Variants in WNT3A observed in about 807,000 individuals in gnomAD.
The protein encoded by WNT3A is Wnt family member 3A.
A neutral mutation model predicts 37.0 loss-of-function variants in WNT3A; 17 were observed. That is an observed-to-expected ratio of 0.46 (90% CI 0.31 to 0.69). WNT3A has a LOEUF of 0.69. Ranked by LOEUF, WNT3A falls within the 30% of genes least tolerant of loss-of-function variation. The pLI is 0.05. For missense variants in WNT3A, 411 were observed against 510.2 expected, an observed-to-expected ratio of 0.81 and a Z score of 1.87; for synonymous variants, 187 against 211.0, an observed-to-expected ratio of 0.89 and a Z score of 0.99.
chr1:228,052,609 C>G (rs2031578999), intron 3 of WNT3A, among the ~76,000 whole-genome samples: 1 of 152,174 alleles, frequency 6.6e-6, no homozygotes. Flanking sequence ...CGGGATTTAA[C>G]AACATGAAGA....
intron 1 of WNT3A, among the ~76,000 whole-genome samples, chr1:228,016,195 C>T (rs1030303185): frequency 6.6e-6 from 1 of 152,104 alleles, no homozygotes; most frequent in Admixed American, 6.6e-5. Context: ...CAAGGGAGCC[C>T]CCAAGGACCC....
chr1:228,022,563 C>A, intron 1 of WNT3A, 104 bp from the exon 2 acceptor site: 1 of 1,380,990 alleles, frequency 7.2e-7, no homozygotes, highest in Non-Finnish European at 9.7e-7. Flanking sequence ...AGCTGCGTCT[C>A]GCCCCCCGAA....
rs560059441 is a variant in WNT3A, at chr1:228,039,990, C to T, written c.314-10666C>T. On this transcript the variant is annotated intron_variant, in intron 2 of 3. Transcript: ENST00000284523. The surrounding 1 kb of genome is among the most constrained non-coding windows in gnomAD (Gnocchi z 4.1). ...GGCATGTCCCAGGAGCCCAGGAGTC[C>T]CAGGCTGTCCCTCTCCTCTCGCCCT... 2.0e-5 allele frequency among the ~76,000 whole-genome samples: 3 copies of T among 152,198 alleles called. No individual in the cohort carries two copies. The highest frequency in any genetic ancestry group is 2.9e-5 in the Non-Finnish European group (2 of 68,028).
intron 3 of WNT3A, among the ~76,000 whole-genome samples, chr1:228,055,179 A>AAAT (rs2031655964): frequency 1.0e-4 from 2 of 19,282 alleles, no homozygotes; most frequent in African/African-American, 4.4e-4. Context: ...AAAAAAAAAA[A>AAAT]ATATATATAT....
intron 2 of WNT3A, among the ~76,000 whole-genome samples, chr1:228,044,939 G>A (rs1022214096): frequency 2.6e-5 from 4 of 152,168 alleles, no homozygotes; most frequent in African/African-American, 4.8e-5. Context: ...CAGTCTTCAC[G>A]AGTGAATTGA....
intron 1 of WNT3A, among the ~76,000 whole-genome samples, chr1:228,011,197 G>A (rs987180109): frequency 6.6e-6 from 1 of 151,864 alleles, no homozygotes; most frequent in African/African-American, 2.4e-5. Flanking sequence ...TCAGGCATAC[G>A]TGTGTGGTGT....
chr1:228,047,108 C>T (rs1480818024), intron 2 of WNT3A, among the ~76,000 whole-genome samples: 1 of 152,172 alleles, frequency 6.6e-6, no homozygotes, highest in Non-Finnish European at 1.5e-5. Context: ...ACTGGACAGT[C>T]TCCAGCCAGC....
rs1012440047 is a variant in WNT3A, at chr1:228,031,824, T to A, written c.313+8916T>A. 1.3e-5 allele frequency among the ~76,000 whole-genome samples: 2 copies of A among 152,106 alleles called. No homozygotes were observed. Among genetic ancestry groups the A allele is most frequent in the Non-Finnish European group, 2.9e-5 (2 of 68,012 alleles). On this transcript the variant is annotated intron_variant, in intron 2 of 3. Coordinates refer to ENST00000284523, the MANE Select transcript of WNT3A (RefSeq NM_033131.4). The surrounding 1 kb of genome is among the most constrained non-coding windows in gnomAD (Gnocchi z 4.8). The stretch of plus-strand genomic sequence containing the variant: ...AGGGAGGCATGGGCAACATATACAC[T>A]GCAAAAGGCCAAGAGCACCAGACTG...
rs1389455052 is a variant in WNT3A, at chr1:228,038,553, A to C, written c.314-12103A>C. On this transcript the variant is annotated intron_variant, in intron 2 of 3. Coordinates refer to ENST00000284523, the MANE Select transcript of WNT3A (RefSeq NM_033131.4). The surrounding 1 kb of genome is among the most constrained non-coding windows in gnomAD (Gnocchi z 5.7). ...GGTCAGGTGGTCCTAGCTGGGATCC[A>C]AGGCACCCCCCTCACTCAGCCAGCC... 6.6e-6 allele frequency among the ~76,000 whole-genome samples: 1 copy of C among 152,158 alleles called. No individual in the cohort carries two copies. The highest frequency in any genetic ancestry group is 1.5e-5 in the Non-Finnish European group (1 of 68,026).
chr1:228,029,236 A>G (rs1347508633), intron 2 of WNT3A, among the ~76,000 whole-genome samples: 1 of 152,114 alleles, frequency 6.6e-6, no homozygotes, highest in Non-Finnish European at 1.5e-5. Context: ...AATTTTTTGG[A>G]GGGCCCTTGG....
chr1:228,050,666 G>T lies in WNT3A; in HGVS notation c.324G>T (p.Glu108Asp), dbSNP rs1444107117. 6.2e-7 allele frequency: 1 copy of T among 1,602,402 alleles called. No homozygotes were observed. Among genetic ancestry groups the T allele is most frequent in the South Asian group, 1.1e-5 (1 of 89,984 alleles). Residue 108 changes from glutamate (E) to aspartate (D), a missense_variant, in exon 3 of 4, where the codon GAG becomes GAT. Glu to Asp is a conservative substitution (Grantham distance 45, BLOSUM62 2). Transcript: ENST00000284523. The surrounding 1 kb of genome is among the most constrained non-coding windows in gnomAD (Gnocchi z 5.0). ...FGPVLDKATR[E>D]SAFVHAIASA... is the part of the protein sequence containing the mutation. ...CTCCTCTCTCTACAGCTACCAGGGA[G>T]TCGGCCTTTGTCCACGCCATTGCCT...
chr1:228,051,043 C>T (rs1363054292), intron 3 of WNT3A, 122 bp downstream of exon 3: 13 of 1,257,658 alleles, frequency 1.0e-5, no homozygotes, highest in South Asian at 3.2e-5. Context: ...AGGGTCTTCT[C>T]GACCCCTGCC....
intron 1 of WNT3A, among the ~76,000 whole-genome samples, chr1:228,019,090 G>C (rs1384988344): frequency 1.3e-5 from 2 of 152,226 alleles, no homozygotes; most frequent in East Asian, 1.9e-4. Flanking sequence ...TCAGGAAGGT[G>C]GTGGGCCAGG....
At chr1:228,012,531 G>A (rs912580607) in intron 1 of WNT3A, among the ~76,000 whole-genome samples, 8 of 152,134 alleles carry the variant, frequency 5.3e-5, no homozygotes, top group African/African-American at 1.4e-4. Context: ...ATGGGGGTGG[G>A]GGGGCTCTCT....
At chr1:228,036,816 T>G (rs1034525123) in intron 2 of WNT3A, among the ~76,000 whole-genome samples, 1 of 152,150 alleles carries the variant, frequency 6.6e-6, no homozygotes, top group African/African-American at 2.4e-5. Context: ...ACGGCTGCAG[T>G]GGATGCAGCA....
chr1:228,028,662 G>A (rs2030915140), intron 2 of WNT3A, among the ~76,000 whole-genome samples: 2 of 152,108 alleles, frequency 1.3e-5, no homozygotes, highest in South Asian at 4.1e-4. Flanking sequence ...TCCTAATTCT[G>A]TGAAAAATGA....
chr1:228,059,259 CCT>C lies in WNT3A; in HGVS notation c.854_855del (p.Pro285ArgfsTer96). On this transcript the variant is annotated frameshift_variant, in exon 4 of 4. Transcript: ENST00000284523. LOFTEE classifies it high-confidence loss of function. ...EASPNFCEPNPETGSFGTRDR... is the reference protein window; with the variant it reads ...EASPNFCEPNXETGSFGTRDR... Reference sequence around the variant, plus strand: ...CTCGCCCAACTTCTGCGAGCCCAACCCTGAGACGGGCTCCTTCGGCACGCGCG... The same window carrying C: ...CTCGCCCAACTTCTGCGAGCCCAACCGAGACGGGCTCCTTCGGCACGCGCG... The C allele has an allele frequency of 6.2e-7, 1 of 1,606,824 alleles. No homozygotes were observed. Among genetic ancestry groups the C allele is most frequent in the Non-Finnish European group, 8.5e-7 (1 of 1,178,918 alleles).
At chr1:228,045,762 C>T (rs1004260299) in intron 2 of WNT3A, among the ~76,000 whole-genome samples, 9 of 152,126 alleles carry the variant, frequency 5.9e-5, no homozygotes, top group Admixed American at 2.0e-4. Flanking sequence ...AAGGAAACAG[C>T]GGAGGTTGCA....
At chr1:228,055,171 AAAAAAAAAAT>A (rs1310596441) in intron 3 of WNT3A, among the ~76,000 whole-genome samples, 2 of 73,050 alleles carry the variant, frequency 2.7e-5, no homozygotes, top group African/African-American at 6.1e-5. Flanking sequence ...AAAAAAAAAA[AAAAAAAAAAT>A]ATATATATAT....
Sources: allele counts gnomAD v4.1 joint callset (sites outside exome capture counted in the v4.1 genomes callset), GRCh38; gene constraint gnomAD v4.1.1; non-coding constraint Gnocchi (gnomAD v3.1); transcripts MANE v1.5; gene names NCBI Gene and HGNC (gene_info 2026-07-23, HGNC 2026-07-21).